The following SNTG1 variants were observed in gnomAD, a reference collection of about 807,000 sequenced individuals.
SNTG1 encodes the protein syntrophin gamma 1.
Under a neutral mutation model 74.7 loss-of-function variants are expected in SNTG1, and 39 were observed. The observed-to-expected ratio is 0.52, with a 90% CI of 0.40 to 0.68. The LOEUF (loss-of-function observed/expected upper bound fraction) is 0.68, where lower values mean the gene tolerates loss of function less well. Among genes scored for constraint, SNTG1 ranks in the 30% least tolerant of loss-of-function variants. The pLI is 0.00. For synonymous variants in SNTG1, 254 were observed against 217.1 expected (o/e 1.17, Z -1.49); for missense variants, 685 against 609.5 (o/e 1.12, Z -1.30).
intron 18 of SNTG1, among the ~76,000 whole-genome samples, chr8:50,755,930 G>T (rs1323938990): frequency 1.3e-5 from 2 of 149,914 alleles, no homozygotes; most frequent in African/African-American, 4.9e-5. Flanking sequence ...TAAGGTTTCT[G>T]GCCCATTTTT....
At chr8:49,959,360 T>G (rs2129680415) in intron 1 of SNTG1, among the ~76,000 whole-genome samples, 1 of 152,302 alleles carries the variant, frequency 6.6e-6, no homozygotes, top group Middle Eastern at 3.4e-3. Context: ...GCCCTCAGTT[T>G]ATGGGATTCC....
chr8:50,287,660 C>T (rs572303431), intron 2 of SNTG1, among the ~76,000 whole-genome samples: 2 of 152,258 alleles, frequency 1.3e-5, no homozygotes, highest in East Asian at 3.9e-4. Context: ...ACCTGTCTTC[C>T]TGCTTCCACA....
At chr8:50,381,278 T>C (rs2092474680) in intron 2 of SNTG1, among the ~76,000 whole-genome samples, 1 of 152,010 alleles carries the variant, frequency 6.6e-6, no homozygotes, top group Non-Finnish European at 1.5e-5. Flanking sequence ...TTATTTTTCT[T>C]TTATCCATGG....
At chr8:49,922,670 G>A (rs1563350728) in intron 1 of SNTG1, among the ~76,000 whole-genome samples, 1 of 152,086 alleles carries the variant, frequency 6.6e-6, no homozygotes, top group East Asian at 1.9e-4. Flanking sequence ...ATCATCATCT[G>A]TATATTTGGC....
At chr8:50,489,377 T>G (rs1476855522) in intron 8 of SNTG1, among the ~76,000 whole-genome samples, 1 of 152,198 alleles carries the variant, frequency 6.6e-6, no homozygotes, top group Non-Finnish European at 1.5e-5. Context: ...GTTGAAGTAA[T>G]TTACACTCCC....
At chr8:50,639,197 T>C (rs1044481716) in intron 13 of SNTG1, among the ~76,000 whole-genome samples, 1 of 144,960 alleles carries the variant, frequency 6.9e-6, no homozygotes, top group Non-Finnish European at 1.5e-5. Context: ...AAAATAATGA[T>C]AGTGACAGAA....
intron 9 of SNTG1, among the ~76,000 whole-genome samples, chr8:50,508,142 C>G (rs905669788): frequency 6.6e-6 from 1 of 152,120 alleles, no homozygotes; most frequent in African/African-American, 2.4e-5. Flanking sequence ...CTGTTCAGTT[C>G]CTACCTATGA....
chr8:50,149,877 T>A (rs1026488666), intron 1 of SNTG1, among the ~76,000 whole-genome samples: 1 of 152,074 alleles, frequency 6.6e-6, no homozygotes, highest in Non-Finnish European at 1.5e-5. Context: ...GCAATGCGGG[T>A]TCTTTTTTGG....
chr8:50,578,789 C>T (rs193005719), intron 12 of SNTG1, among the ~76,000 whole-genome samples: 2 of 152,282 alleles, frequency 1.3e-5, no homozygotes, highest in African/African-American at 2.4e-5. Flanking sequence ...TCCTGAGGGC[C>T]TCCCTAGCCG....
At chr8:49,938,587 CT>C (rs756104336) in intron 1 of SNTG1, among the ~76,000 whole-genome samples, 9 of 42,052 alleles carry the variant, frequency 2.1e-4, no homozygotes, top group South Asian at 1.3e-3. Context: ...CTTTTCTTTT[CT>C]TTTCTTTTCT....
At chr8:49,979,346 G>A (rs531273925) in intron 1 of SNTG1, among the ~76,000 whole-genome samples, 1 of 152,184 alleles carries the variant, frequency 6.6e-6, no homozygotes, top group African/African-American at 2.4e-5. Context: ...TCCTACAGCC[G>A]TTTCAGCAGG....
chr8:50,690,458 C>T (rs1318154301), intron 15 of SNTG1, among the ~76,000 whole-genome samples: 1 of 152,096 alleles, frequency 6.6e-6, no homozygotes, highest in Admixed American at 6.6e-5. Flanking sequence ...TCTTTGTTCT[C>T]GTTGCTTTCA....
chr8:50,183,247 G>T (rs764504641), intron 2 of SNTG1, among the ~76,000 whole-genome samples: 1 of 152,080 alleles, frequency 6.6e-6, no homozygotes, highest in African/African-American at 2.4e-5. Flanking sequence ...GTTTCTCTGC[G>T]CTATTTCTGT....
chr8:50,540,803 G>C (rs2094341146), intron 11 of SNTG1, among the ~76,000 whole-genome samples: 1 of 151,876 alleles, frequency 6.6e-6, no homozygotes, highest in South Asian at 2.1e-4. Flanking sequence ...ATAAAAAACA[G>C]ATTTCTATTT....
chr8:50,556,899 C>A (rs2094458682), intron 12 of SNTG1, among the ~76,000 whole-genome samples: 1 of 152,118 alleles, frequency 6.6e-6, no homozygotes, highest in Non-Finnish European at 1.5e-5. Flanking sequence ...TACATTCTAA[C>A]CCACACTAAT....
intron 3 of SNTG1, among the ~76,000 whole-genome samples, chr8:50,398,797 G>A (rs1370380157): frequency 1.3e-5 from 2 of 152,108 alleles, no homozygotes; most frequent in Non-Finnish European, 1.5e-5. Context: ...TGGGTGTCAT[G>A]GCAGGCACCT....
intron 2 of SNTG1, among the ~76,000 whole-genome samples, chr8:50,378,907 C>A (rs535212457): frequency 6.6e-6 from 1 of 152,102 alleles, no homozygotes; most frequent in East Asian, 1.9e-4. Context: ...AGAAAAGGCA[C>A]CACAAGCTCC....
At chr8:50,237,783 C>G (rs945272169) in intron 2 of SNTG1, among the ~76,000 whole-genome samples, 2 of 151,922 alleles carry the variant, frequency 1.3e-5, no homozygotes, top group Admixed American at 6.6e-5. Flanking sequence ...TATAATATAT[C>G]CTAATAGTGT....
chr8:49,931,309 C>T (rs1382200382), intron 1 of SNTG1, among the ~76,000 whole-genome samples: 1 of 152,146 alleles, frequency 6.6e-6, no homozygotes. Context: ...AGGGACTGTA[C>T]CCTGAAGAAA....
Sources: allele counts gnomAD v4.1 joint callset (sites outside exome capture counted in the v4.1 genomes callset), GRCh38; gene constraint gnomAD v4.1.1; transcripts MANE v1.5; gene names NCBI Gene and HGNC (gene_info 2026-07-23, HGNC 2026-07-21).